Variants in PIEZO2 observed in about 807,000 individuals in gnomAD.
The protein encoded by PIEZO2 is piezo type mechanosensitive ion channel component 2.
PIEZO2 carries 172 observed loss-of-function variants against 337.3 expected under a neutral mutation model. That is an observed-to-expected ratio of 0.51 (90% CI 0.45 to 0.58). The LOEUF (loss-of-function observed/expected upper bound fraction) is 0.58. Among genes scored for constraint, PIEZO2 ranks in the 20% least tolerant of loss-of-function variants. The probability of loss-of-function intolerance (pLI) is 0.00; values close to 1 mark genes in which losing one functional copy is unlikely to be tolerated. For missense variants in PIEZO2, 3,028 were observed against 3,391.3 expected, an observed-to-expected ratio of 0.89 and a Z score of 2.66; for synonymous variants, 1,251 against 1,228.5, an observed-to-expected ratio of 1.02 and a Z score of -0.38.
At chr18:11,025,746 C>G (rs2036518279) in intron 2 of PIEZO2, among the ~76,000 whole-genome samples, 1 of 152,136 alleles carries the variant, frequency 6.6e-6, no homozygotes, top group African/African-American at 2.4e-5. Context: ...TACTCAGAGC[C>G]CATGGTGACA....
At chr18:10,742,669 T>C (rs537614314) in intron 31 of PIEZO2, 54 bp from the exon 32 acceptor site, 6 of 1,523,692 alleles carry the variant, frequency 3.9e-6, no homozygotes, top group Non-Finnish European at 5.3e-6. Context: ...TGTTCTCATG[T>C]GGTCAGTACT....
At chr18:11,023,603 C>G (rs1420421306) in intron 2 of PIEZO2, among the ~76,000 whole-genome samples, 1 of 152,272 alleles carries the variant, frequency 6.6e-6, no homozygotes, top group Non-Finnish European at 1.5e-5. Flanking sequence ...GGATCCCGCA[C>G]CGGGGCGGCA....
chr18:10,677,882 A>C lies in PIEZO2; in HGVS notation c.7953-7T>G. The C allele has an allele frequency of 6.5e-7, 1 of 1,536,070 alleles. No homozygotes were observed. Among genetic ancestry groups the C allele is most frequent in the Non-Finnish European group, 8.7e-7 (1 of 1,150,868 alleles). ...TGCACCCAGACTTAAGTTTCTGTGAAGAAAAAAAAAAAGCTTAATGTCAGT... is the reference window on the plus strand; with the variant it reads ...TGCACCCAGACTTAAGTTTCTGTGACGAAAAAAAAAAAGCTTAATGTCAGT... On this transcript the variant is annotated splice_polypyrimidine_tract_variant and splice_region_variant and intron_variant, in intron 52 of 55. Transcript: ENST00000674853. This position sits in a 1 kb window ranked among gnomAD's most constrained non-coding sequence, Gnocchi z 4.1.
Position 11,078,621 on chromosome 18 carries a change from T to C in PIEZO2, c.65-12399A>G, listed in dbSNP as rs189912186. 2.0e-5 allele frequency among the ~76,000 whole-genome samples: 3 copies of C among 152,340 alleles called. No homozygotes were observed. The East Asian group carries it at 5.8e-4, about 29-fold the overall frequency. On this transcript the variant is annotated intron_variant, in intron 1 of 55. Coordinates refer to ENST00000674853, the MANE Select transcript of PIEZO2 (RefSeq NM_001378183.1). This position sits in a 1 kb window ranked among gnomAD's most constrained non-coding sequence, Gnocchi z 5.3. ...GTTGCTAGAGAAGTAGACACACCTTTTATGGCATGAATTCAGCCTTGGACT... is the reference window on the plus strand; with the variant it reads ...GTTGCTAGAGAAGTAGACACACCTTCTATGGCATGAATTCAGCCTTGGACT...
intron 36 of PIEZO2, among the ~76,000 whole-genome samples, chr18:10,720,234 G>GAGTATATATATATATATATATA: frequency 8.3e-6 from 1 of 119,914 alleles, no homozygotes; most frequent in African/African-American, 3.3e-5. Flanking sequence ...GTGTGTGTGT[G>GAGTATATATATATATATATATA]TATATATATA....
chr18:11,123,527 G>A (rs1324559054), intron 1 of PIEZO2, among the ~76,000 whole-genome samples: 2 of 152,102 alleles, frequency 1.3e-5, no homozygotes, highest in South Asian at 2.1e-4. Context: ...ATGTAAACTG[G>A]GACGGGCACG....
At chr18:10,778,223 A>G (rs776129416) in intron 18 of PIEZO2, among the ~76,000 whole-genome samples, 2 of 152,210 alleles carry the variant, frequency 1.3e-5, no homozygotes, top group Non-Finnish European at 2.9e-5. Context: ...TGTCATTCTA[A>G]TGGATAATCA....
Position 10,748,398 on chromosome 18 carries a change from C to G in PIEZO2, c.4424+73G>C. The G allele has an allele frequency of 7.0e-7, 1 of 1,422,722 alleles. No homozygotes were observed. Among genetic ancestry groups the G allele is most frequent in the East Asian group, 2.5e-5 (1 of 40,120 alleles). 88.1% of individuals were successfully genotyped at this position (1,422,722 alleles called of 1,614,324 possible). A position where few individuals can be genotyped will look rare whatever the true frequency, so the allele number is the denominator to read the frequency against. ...TGTGGGTTCTAGAAGCAAGCTCAGA[C>G]AGAAATGATAGTGCAATATTATTTC... On this transcript the variant is annotated intron_variant, in intron 30 of 55. Transcript: ENST00000674853. This position sits in a 1 kb window ranked among gnomAD's most constrained non-coding sequence, Gnocchi z 5.1.
In PIEZO2 at chr18:10,761,044, C is replaced by T. The variant is rs200150296; in HGVS notation, c.3317G>A (p.Arg1106Gln). Residue 1106 changes from arginine (R) to glutamine (Q), a missense_variant, in exon 24 of 56, where the codon CGA becomes CAA. Transcript: ENST00000674853. Reference protein sequence around the residue: ...VTIYRHQEYYRGRNNLTAPVS... With the variant: ...VTIYRHQEYYQGRNNLTAPVS... ...AGGGGCCGTCAGGTTATTTCGACCTCGATAGTATTCCTGATGGCGGTAAAT... is the reference window on the plus strand; with the variant it reads ...AGGGGCCGTCAGGTTATTTCGACCTTGATAGTATTCCTGATGGCGGTAAAT... 21 of 1,536,988 alleles carry T rather than the reference C, an allele frequency of 1.4e-5. No homozygotes were observed. Among genetic ancestry groups the T allele is most frequent in the Admixed American group, 5.9e-5 (3 of 50,976 alleles).
intron 3 of PIEZO2, among the ~76,000 whole-genome samples, chr18:10,959,537 T>A (rs1262020637): frequency 6.6e-6 from 1 of 152,166 alleles, no homozygotes; most frequent in African/African-American, 2.4e-5. Flanking sequence ...AATCAATTTT[T>A]AAAATTGATT....
At chr18:10,782,626 A>G (rs2039069571) in intron 17 of PIEZO2, among the ~76,000 whole-genome samples, 1 of 149,446 alleles carries the variant, frequency 6.7e-6, no homozygotes, top group South Asian at 2.1e-4. Context: ...CACCCTTTAC[A>G]TTTACTTGGA....
At chr18:10,708,939 G>A (rs894178825) in intron 39 of PIEZO2, among the ~76,000 whole-genome samples, 1 of 152,108 alleles carries the variant, frequency 6.6e-6, no homozygotes, top group Non-Finnish European at 1.5e-5. Context: ...GAATTAGAGA[G>A]GGGAAACTCA....
rs2040290200 is a variant in PIEZO2 at position 11,129,843 on chromosome 18, G to A, written c.64+18682C>T. 6.6e-6 allele frequency among the ~76,000 whole-genome samples: 1 copy of A among 152,178 alleles called. No individual in the cohort carries two copies. The highest frequency in any genetic ancestry group is 6.5e-5 in the Admixed American group (1 of 15,280). Reference sequence around the variant, plus strand: ...ACTTCAGTTAAAGTAGGGGCTTATGGAGGTCAGGTAATTAATGGAGTTTTA... The same window carrying A: ...ACTTCAGTTAAAGTAGGGGCTTATGAAGGTCAGGTAATTAATGGAGTTTTA... On this transcript the variant is annotated intron_variant, in intron 1 of 55. Transcript: ENST00000674853. The surrounding 1 kb of genome is among the most constrained non-coding windows in gnomAD (Gnocchi z 4.6).
At position 10,993,715 on chromosome 18, in the gene PIEZO2, G is replaced by C. The variant is rs549010322; in HGVS notation, c.161-14055C>G. 5.3e-4 allele frequency among the ~76,000 whole-genome samples: 80 copies of C among 152,260 alleles called. No individual in the cohort carries two copies. The highest frequency in any genetic ancestry group is 1.7e-3 in the African/African-American group (69 of 41,546). On this transcript the variant is annotated intron_variant, in intron 2 of 55. Coordinates refer to ENST00000674853, the MANE Select transcript of PIEZO2 (RefSeq NM_001378183.1). This position sits in a 1 kb window ranked among gnomAD's most constrained non-coding sequence, Gnocchi z 5.0. The stretch of plus-strand genomic sequence containing the variant: ...CTAATTTTTCTGTATTTTTAGTAGA[G>C]ACGGTGTTTCACCATGTTAGCCAGG...
chr18:10,907,377 A>T (rs1469630013), intron 4 of PIEZO2, among the ~76,000 whole-genome samples: 2 of 151,760 alleles, frequency 1.3e-5, no homozygotes, highest in African/African-American at 4.8e-5. Context: ...CGGGAAGCAG[A>T]GGTTGCAGTG....
At position 11,096,251 on chromosome 18, in the gene PIEZO2, G is replaced by A. The variant is rs73945748; in HGVS notation, c.65-30029C>T. Among the ~76,000 whole-genome samples the A allele has an allele frequency of 0.014, 2,111 of 152,332 alleles. 53 individuals carry two copies. The highest frequency in any genetic ancestry group is 0.047 in the African/African-American group (1,960 of 41,574). ...GACCACGTGCCCTTTGCCAGACCAA[G>A]CCTGTCCACCCAATGGAACCTGCTG... On this transcript the variant is annotated intron_variant, in intron 1 of 55. Coordinates refer to ENST00000674853, the MANE Select transcript of PIEZO2 (RefSeq NM_001378183.1). The surrounding 1 kb of genome is among the most constrained non-coding windows in gnomAD (Gnocchi z 4.6).
At chr18:11,017,454 T>A (rs1467336441) in intron 2 of PIEZO2, among the ~76,000 whole-genome samples, 1 of 149,234 alleles carries the variant, frequency 6.7e-6, no homozygotes. Flanking sequence ...AAAGCATGAA[T>A]GCCTTTTTTT....
Position 10,789,340 on chromosome 18 carries a change from C to T in PIEZO2, c.1908G>A (p.Val636=), listed in dbSNP as rs1158458469. The T allele has an allele frequency of 6.5e-7, 1 of 1,536,770 alleles. No homozygotes were observed. The highest frequency in any genetic ancestry group is 2.4e-5 in the East Asian group (1 of 40,910). The change falls in exon 15 of 56, where the codon GTG becomes GTA. Residue 636 remains valine, a synonymous_variant. Transcript: ENST00000674853. The part of the protein sequence containing the change: ...EKDEELQDIQ[V]EGEPKEEEEE... ...CTTCCTCCTCTTTGGGCTCTCCTTC[C>T]ACTTGTATATCTTGAAGTTCCTCAT...
chr18:10,804,527 A>T (rs546374069), intron 8 of PIEZO2, among the ~76,000 whole-genome samples: 35 of 152,324 alleles, frequency 2.3e-4, no homozygotes, highest in Non-Finnish European at 4.3e-4. Flanking sequence ...TCGGTGCCTT[A>T]GCATGTTTTC....
Sources: gnomAD v4.1 joint callset for allele counts (sites outside exome capture counted in the v4.1 genomes callset) on GRCh38, gnomAD v4.1.1 for gene constraint, Gnocchi (gnomAD v3.1) non-coding constraint, MANE v1.5 for transcripts, NCBI Gene and HGNC (gene_info 2026-07-23, HGNC 2026-07-21) for gene names.